CCDC186: variants seen among roughly 807,000 people sequenced by gnomAD.
CCDC186 encodes coiled-coil domain containing 186, also known as coiled-coil domain-containing protein 186.
Under a neutral mutation model 113.7 loss-of-function variants are expected in CCDC186, and 49 were observed. The observed-to-expected ratio is 0.43, with a 90% confidence interval of 0.34 to 0.55. CCDC186 has a LOEUF of 0.55. Among genes scored for constraint, CCDC186 ranks in the 20% least tolerant of loss-of-function variants. The pLI is 0.02. For synonymous variants in CCDC186, 355 were observed against 345.8 expected, an observed-to-expected ratio of 1.03 and a Z score of -0.30; for missense variants, 890 against 1,011.1, an observed-to-expected ratio of 0.88 and a Z score of 1.62.
At chr10:114,142,209 G>A (rs973200798) in intron 6 of CCDC186, among the ~76,000 whole-genome samples, 11 of 152,142 alleles carry the variant, frequency 7.2e-5, no homozygotes, top group African/African-American at 2.4e-4. Flanking sequence ...GTCTTACCTC[G>A]GGTGACCTAG....
intron 2 of CCDC186, among the ~76,000 whole-genome samples, chr10:114,157,922 A>G (rs1404599194): frequency 1.3e-5 from 2 of 152,264 alleles, no homozygotes; most frequent in South Asian, 2.1e-4. Flanking sequence ...AAATAGAATC[A>G]TATGAATGAA....
Position 114,162,676 on chromosome 10 carries a change from A to G in CCDC186, c.593T>C (p.Val198Ala), listed in dbSNP as rs754172071. The G allele has an allele frequency of 6.2e-7, 1 of 1,600,460 alleles. No homozygotes were observed. Among genetic ancestry groups the G allele is most frequent in the South Asian group, 1.1e-5 (1 of 87,928 alleles). The change falls in exon 2 of 16, where the codon GTG becomes GCG. Residue 198 changes from valine to alanine, a missense_variant. Physicochemically the swap from Val to Ala is moderately conservative, Grantham distance 64. Transcript: ENST00000369287. ...TTCCTGCTGCAAATATTTATCTTGC[A>G]CACACTTTTCAAACAGAACTAATGC... Reference protein sequence around the residue: ...EHALVLFEKCVQDKYLQQEHI... With the variant: ...EHALVLFEKCAQDKYLQQEHI...
chr10:114,140,082 G>A (rs2031417999), intron 6 of CCDC186, among the ~76,000 whole-genome samples: 1 of 152,178 alleles, frequency 6.6e-6, no homozygotes, highest in Admixed American at 6.5e-5. Context: ...TACTGTATAA[G>A]AAAACAAACA....
rs2032047492 is a variant in CCDC186, at chr10:114,157,552, A to G, written c.759+2T>C. ...GTCTTCGAAGATTTTTGTCTTTTTT[A>G]CCTGTTTAATTGTGTTCATATGCTG... On this transcript the variant is annotated splice_donor_variant, in intron 3 of 15. Coordinates refer to ENST00000369287, the MANE Select transcript of CCDC186 (RefSeq NM_018017.4). LOFTEE classifies it high-confidence loss of function. 1 of 1,582,230 alleles carries G rather than the reference A, an allele frequency of 6.3e-7. No homozygotes were observed. The highest frequency in any genetic ancestry group is 8.5e-7 in the Non-Finnish European group (1 of 1,171,236).
chr10:114,155,039 T>C (rs1013656065), intron 3 of CCDC186, among the ~76,000 whole-genome samples: 1 of 152,182 alleles, frequency 6.6e-6, no homozygotes, highest in Non-Finnish European at 1.5e-5. Context: ...GGCAAATATA[T>C]AGAGACCGAA....
chr10:114,163,436 T>A, intron 1 of CCDC186, 107 bp from the exon 2 acceptor site: 2 of 873,566 alleles, frequency 2.3e-6, no homozygotes, highest in Non-Finnish European at 3.3e-6. Context: ...ATTTTATCAC[T>A]AACAATTCCT....
At position 114,125,179 on chromosome 10, in the gene CCDC186, G is replaced by T. The variant is rs1394714364; in HGVS notation, c.2661C>A (p.His887Gln). 2 of 1,610,618 alleles carry T rather than the reference G, an allele frequency of 1.2e-6. No individual in the cohort carries two copies. Among genetic ancestry groups the T allele is most frequent in the African/African-American group, 1.3e-5 (1 of 74,544 alleles). The change falls in exon 16 of 16, where the codon CAC becomes CAA. Residue 887 changes from histidine to glutamine, a missense_variant. Coordinates refer to ENST00000369287, the MANE Select transcript of CCDC186 (RefSeq NM_018017.4). Reference sequence around the variant, plus strand: ...TTGTCCTCTGTTCTAGTTCATGCTGGTGTTTAATAAGACGTTCTATTTCTG... The same window carrying T: ...TTGTCCTCTGTTCTAGTTCATGCTGTTGTTTAATAAGACGTTCTATTTCTG... ...LGTEIERLIK[H>Q]QHELEQRTKK...
chr10:114,172,871 A>G (rs79965340), intron 1 of CCDC186, among the ~76,000 whole-genome samples: 2,276 of 152,332 alleles, frequency 0.015, 66 homozygotes, highest in African/African-American at 0.052. Context: ...CAGTTTCACT[A>G]TCAATCTCTC....
chr10:114,131,534 T>A (rs1476639029), intron 11 of CCDC186, among the ~76,000 whole-genome samples, 198 bp from the exon 12 acceptor site: 1 of 152,156 alleles, frequency 6.6e-6, no homozygotes, highest in African/African-American at 2.4e-5. Context: ...AGAATGTCAT[T>A]CTATACATAC....
intron 10 of CCDC186, among the ~76,000 whole-genome samples, chr10:114,133,187 T>C (rs2031147162): frequency 6.6e-6 from 1 of 152,166 alleles, no homozygotes; most frequent in Admixed American, 6.5e-5. Context: ...GCTTGGACTA[T>C]GGTAGTAGCA....
chr10:114,132,382 C>T (rs564456951), intron 10 of CCDC186, among the ~76,000 whole-genome samples, 198 bp from the exon 11 acceptor site: 4 of 152,242 alleles, frequency 2.6e-5, no homozygotes, highest in Admixed American at 2.6e-4. Flanking sequence ...CCTCTGCTTT[C>T]AAAGAGCTTT....
intron 12 of CCDC186, 85 bp from the exon 13 acceptor site, chr10:114,130,056 G>A: frequency 8.7e-7 from 1 of 1,152,702 alleles, no homozygotes; most frequent in Non-Finnish European, 1.3e-6. Flanking sequence ...AAATCACTGA[G>A]GCAAAAATGG....
chr10:114,172,756 G>T (rs2032537547), intron 1 of CCDC186, among the ~76,000 whole-genome samples: 1 of 152,166 alleles, frequency 6.6e-6, no homozygotes, highest in African/African-American at 2.4e-5. Context: ...AGAAATAAAA[G>T]AGAAAAATGA....
At chr10:114,165,402 A>G (rs1006807974) in intron 1 of CCDC186, among the ~76,000 whole-genome samples, 3 of 152,258 alleles carry the variant, frequency 2.0e-5, no homozygotes, top group Non-Finnish European at 4.4e-5. Context: ...ACTTTAAGAT[A>G]TAACTTGTGG....
At chr10:114,135,826 C>G (rs2031240812) in intron 9 of CCDC186, 65 bp downstream of exon 9, 2 of 1,275,468 alleles carry the variant, frequency 1.6e-6, no homozygotes, top group South Asian at 2.6e-5. Flanking sequence ...CTTTAAAAAT[C>G]AGAATGAATT....
chr10:114,136,099 T>C, intron 8 of CCDC186, 49 bp downstream of exon 8: 1 of 1,540,696 alleles, frequency 6.5e-7, no homozygotes, highest in Non-Finnish European at 9.0e-7. Flanking sequence ...TATTTCTCTT[T>C]CTGTATTTAT....
intron 15 of CCDC186, among the ~76,000 whole-genome samples, 166 bp downstream of exon 15, chr10:114,125,720 T>TA (rs1190810295): frequency 6.6e-6 from 1 of 152,154 alleles, no homozygotes; most frequent in Non-Finnish European, 1.5e-5. Context: ...TTTCCTAATA[T>TA]AAAAAACTAT....
intron 15 of CCDC186, among the ~76,000 whole-genome samples, chr10:114,125,649 G>A (rs2030874119): frequency 6.6e-6 from 1 of 152,100 alleles, no homozygotes; most frequent in East Asian, 1.9e-4. Context: ...CCCATCCAAT[G>A]CAAATTTAAT....
intron 1 of CCDC186, among the ~76,000 whole-genome samples, chr10:114,171,515 T>C (rs1282015514): frequency 3.3e-5 from 5 of 152,290 alleles, no homozygotes; most frequent in African/African-American, 1.2e-4. Flanking sequence ...CATACCACTA[T>C]ACTCCAGCCT....
Sources: allele counts gnomAD v4.1 joint callset (sites outside exome capture counted in the v4.1 genomes callset), GRCh38; gene constraint gnomAD v4.1.1; transcripts MANE v1.5; gene names NCBI Gene and HGNC (gene_info 2026-07-23, HGNC 2026-07-21).